The following MACROD2 variants were observed in gnomAD, a reference collection of about 807,000 sequenced individuals.
The protein encoded by MACROD2 is ADP-ribose glycohydrolase MACROD2.
In MACROD2, 36 loss-of-function variants were observed where a neutral mutation model predicts 70.4. That is an observed-to-expected ratio of 0.51 (90% CI 0.39 to 0.68). MACROD2 has a LOEUF of 0.68. Among genes scored for constraint, MACROD2 ranks in the 30% least tolerant of loss-of-function variants. The pLI is 0.00. For synonymous variants in MACROD2, 172 were observed against 178.8 expected (o/e 0.96, Z 0.30); for missense variants, 496 against 538.4 (o/e 0.92, Z 0.78).
chr20:14,841,067 TA>T (rs1452090995), intron 5 of MACROD2, among the ~76,000 whole-genome samples: 2 of 152,176 alleles, frequency 1.3e-5, no homozygotes, highest in African/African-American at 4.8e-5. Flanking sequence ...ATTTTAATGT[TA>T]AATTTTTTTA....
At chr20:16,037,371 G>C (rs1450029258) in intron 15 of MACROD2, among the ~76,000 whole-genome samples, 2 of 151,810 alleles carry the variant, frequency 1.3e-5, no homozygotes, top group Non-Finnish European at 2.9e-5. Context: ...AATGTAACCA[G>C]GGTTATTACC....
At chr20:14,538,320 G>A (rs73901272) in intron 4 of MACROD2, among the ~76,000 whole-genome samples, 6,114 of 152,214 alleles carry the variant, frequency 0.04, 404 homozygotes, top group African/African-American at 0.14. Context: ...TGGTCCTCAT[G>A]CCAGAAGGCT....
At chr20:15,152,740 A>C (rs1423301588) in intron 5 of MACROD2, among the ~76,000 whole-genome samples, 1 of 152,018 alleles carries the variant, frequency 6.6e-6, no homozygotes, top group Non-Finnish European at 1.5e-5. Flanking sequence ...GCGTGGACTG[A>C]CACCTCTGAA....
intron 5 of MACROD2, among the ~76,000 whole-genome samples, chr20:14,984,349 T>G (rs998717389): frequency 1.3e-5 from 2 of 152,096 alleles, no homozygotes; most frequent in Non-Finnish European, 2.9e-5. Flanking sequence ...AGGTTTTTGT[T>G]TGTTTGTTGG....
At chr20:14,710,217 A>G (rs1216449682) in intron 5 of MACROD2, among the ~76,000 whole-genome samples, 1 of 152,172 alleles carries the variant, frequency 6.6e-6, no homozygotes, top group Non-Finnish European at 1.5e-5. Flanking sequence ...AGTTATATTT[A>G]CTGGACAAAA....
chr20:15,642,185 G>A (rs903944582), intron 8 of MACROD2, among the ~76,000 whole-genome samples: 5 of 152,160 alleles, frequency 3.3e-5, no homozygotes, highest in African/African-American at 7.2e-5. Context: ...AATAATAGAA[G>A]TTTTGAAATC....
At chr20:15,873,789 G>A (rs175795) in intron 9 of MACROD2, among the ~76,000 whole-genome samples, 151,726 of 152,274 alleles carry the variant, frequency 1, 75,589 homozygotes, top group Middle Eastern at 1. Flanking sequence ...TAATGAAAGA[G>A]TGAGGTTAAA....
intron 5 of MACROD2, among the ~76,000 whole-genome samples, chr20:15,131,244 A>T (rs1026701277): frequency 6.6e-6 from 1 of 152,112 alleles, no homozygotes; most frequent in African/African-American, 2.4e-5. Flanking sequence ...ATGAAGAACT[A>T]AATCTGTAGA....
intron 2 of MACROD2, among the ~76,000 whole-genome samples, chr20:14,020,290 C>T (rs372066758): frequency 1.1e-4 from 17 of 152,102 alleles, no homozygotes; most frequent in African/African-American, 2.4e-4. Flanking sequence ...CTGACCAATA[C>T]GGAGAAACCC....
At chr20:14,426,022 C>T (rs772383535) in intron 3 of MACROD2, among the ~76,000 whole-genome samples, 2 of 152,136 alleles carry the variant, frequency 1.3e-5, no homozygotes, top group South Asian at 2.1e-4. Context: ...GCTTGTAGTA[C>T]ACTAGGTACC....
At chr20:16,012,120 A>G (rs150555101) in intron 15 of MACROD2, among the ~76,000 whole-genome samples, 6 of 152,296 alleles carry the variant, frequency 3.9e-5, no homozygotes, top group African/African-American at 1.2e-4. Context: ...CTCTGAGCCT[A>G]TTGGCAGCTG....
In MACROD2 at chr20:15,818,932, A is replaced by G. The variant is rs561285658; in HGVS notation, c.646-43813A>G. Among the ~76,000 whole-genome samples, 15 of 152,110 alleles carry G rather than the reference A, an allele frequency of 9.9e-5. No homozygotes were observed. In the South Asian group the frequency reaches 3.1e-3, roughly 32 times the overall value. ...GGTACTATGTGCCAGTTCAGCAAAT[A>G]TTTGCTTGACAAATGAAGTCAAAGC... On this transcript the variant is annotated intron_variant, in intron 8 of 17. Coordinates refer to ENST00000684519, the MANE Select transcript of MACROD2 (RefSeq NM_001351661.2).
chr20:15,760,458 C>A (rs555873784), intron 8 of MACROD2, among the ~76,000 whole-genome samples: 2 of 152,182 alleles, frequency 1.3e-5, no homozygotes, highest in Non-Finnish European at 2.9e-5. Context: ...CCAGTGGCTG[C>A]TGCAGGAAAC....
chr20:15,954,471 T>C (rs1375508089), intron 12 of MACROD2, among the ~76,000 whole-genome samples: 1 of 152,200 alleles, frequency 6.6e-6, no homozygotes, highest in Non-Finnish European at 1.5e-5. Flanking sequence ...TAAATCTTTT[T>C]CTGTTGTTGT....
intron 3 of MACROD2, among the ~76,000 whole-genome samples, chr20:14,339,172 T>C (rs887181471): frequency 1.3e-5 from 2 of 152,210 alleles, no homozygotes; most frequent in Non-Finnish European, 2.9e-5. Flanking sequence ...CTTCCAAGAA[T>C]GGGTGATATC....
chr20:14,784,203 C>G (rs1396336058), intron 5 of MACROD2, among the ~76,000 whole-genome samples: 1 of 152,112 alleles, frequency 6.6e-6, no homozygotes, highest in East Asian at 1.9e-4. Flanking sequence ...CATTTCCCTG[C>G]TAGCTCTGGG....
At chr20:15,893,138 C>A (rs1308240615) in intron 10 of MACROD2, 2 of 399,034 alleles carry the variant, frequency 5.0e-6, no homozygotes, top group Non-Finnish European at 8.8e-6. Context: ...CAGAGAAATT[C>A]TTTTATCCCT....
At chr20:14,280,340 G>T (rs2082297079) in intron 3 of MACROD2, among the ~76,000 whole-genome samples, 1 of 152,116 alleles carries the variant, frequency 6.6e-6, no homozygotes, top group African/African-American at 2.4e-5. Flanking sequence ...ATATCTTTTG[G>T]AAGATATATG....
intron 5 of MACROD2, among the ~76,000 whole-genome samples, chr20:14,874,431 AG>A (rs1049156790): frequency 2.0e-5 from 3 of 151,112 alleles, no homozygotes; most frequent in Admixed American, 6.6e-5. Context: ...AAAAATTCAA[AG>A]CTACCAAGGG....
Sources: gnomAD v4.1 joint callset for allele counts (sites outside exome capture counted in the v4.1 genomes callset) on GRCh38, gnomAD v4.1.1 for gene constraint, MANE v1.5 for transcripts, NCBI Gene and HGNC (gene_info 2026-07-23, HGNC 2026-07-21) for gene names.